Variants in RAP1A observed in about 807,000 individuals in gnomAD.
RAP1A encodes RAP1A, member of RAS oncogene family.
In RAP1A, 6 loss-of-function variants were observed where a neutral mutation model predicts 26.4. That is an observed-to-expected ratio of 0.23 (90% confidence interval 0.12 to 0.45). The LOEUF (loss-of-function observed/expected upper bound fraction) is 0.45, where lower values mean the gene tolerates loss of function less well. RAP1A is among the 20% of genes least tolerant of loss of function. The pLI is 0.99. For missense variants in RAP1A, 121 were observed against 217.2 expected (o/e 0.56, Z 2.78); for synonymous variants, 73 against 79.4 (o/e 0.92, Z 0.43).
chr1:111,679,035 A>T (rs1412391559), intron 1 of RAP1A, among the ~76,000 whole-genome samples: 1 of 152,184 alleles, frequency 6.6e-6, no homozygotes, highest in Non-Finnish European at 1.5e-5. Context: ...AAAATCCAAC[A>T]TCTTTTCCTC....
chr1:111,615,558 C>T (rs12076664), upstream of RAP1A, among the ~76,000 whole-genome samples: 22,833 of 151,960 alleles, frequency 0.15, 1,833 homozygotes, highest in African/African-American at 0.2. Flanking sequence ...TCAGGCCAGG[C>T]GTGGTGGCTC....
chr1:111,583,420 A>G (rs1358234757), intron 1 of RAP1A, among the ~76,000 whole-genome samples: 1 of 151,522 alleles, frequency 6.6e-6, no homozygotes, highest in Admixed American at 6.6e-5. Flanking sequence ...GCAGTGAGCT[A>G]TGATTGCGCC....
intron 1 of RAP1A, among the ~76,000 whole-genome samples, chr1:111,679,527 G>C (rs1344638193): frequency 7.3e-6 from 1 of 136,380 alleles, no homozygotes; most frequent in Admixed American, 7.4e-5. Context: ...CTTTTTTTTT[G>C]TACCCAGTGG....
At chr1:111,682,179 G>A (rs996277108) in intron 1 of RAP1A, among the ~76,000 whole-genome samples, 8 of 152,138 alleles carry the variant, frequency 5.3e-5, no homozygotes, top group African/African-American at 1.9e-4. Flanking sequence ...TGCCTTACAA[G>A]AGGCCCTGAA....
chr1:111,689,030 T>G (rs994988946), intron 1 of RAP1A, among the ~76,000 whole-genome samples: 1 of 151,966 alleles, frequency 6.6e-6, no homozygotes, highest in Non-Finnish European at 1.5e-5. Flanking sequence ...GAGATGAAGT[T>G]TCACCATATT....
chr1:111,646,983 G>T (rs189613386), intron 1 of RAP1A, among the ~76,000 whole-genome samples: 1 of 152,070 alleles, frequency 6.6e-6, no homozygotes, highest in Non-Finnish European at 1.5e-5. Flanking sequence ...GTTAAATTTG[G>T]GTAACTGGTC....
At chr1:111,659,448 A>G (rs1287039877) in intron 1 of RAP1A, among the ~76,000 whole-genome samples, 1 of 151,974 alleles carries the variant, frequency 6.6e-6, no homozygotes, top group Admixed American at 6.6e-5. Flanking sequence ...TTTATATTTA[A>G]AGTGGGTTTC....
intron 1 of RAP1A, among the ~76,000 whole-genome samples, chr1:111,643,191 A>C (rs1406952456): frequency 6.6e-6 from 1 of 152,224 alleles, no homozygotes; most frequent in Non-Finnish European, 1.5e-5. Flanking sequence ...TAAGCAAATG[A>C]GAGTGATTGT....
chr1:111,639,578 T>TCC (rs61539066), intron 1 of RAP1A, among the ~76,000 whole-genome samples: 4 of 151,918 alleles, frequency 2.6e-5, no homozygotes, highest in Admixed American at 6.6e-5. Flanking sequence ...TTTTTTTTTT[T>TCC]CCTTAGGACA....
chr1:111,547,388 T>C (rs919279231), intron 1 of RAP1A, among the ~76,000 whole-genome samples: 1 of 152,108 alleles, frequency 6.6e-6, no homozygotes, highest in Non-Finnish European at 1.5e-5. Flanking sequence ...TTATATTGAT[T>C]AATTTTTATA....
chr1:111,713,981 A>G lies in RAP1A; in HGVS notation c.*1580A>G, dbSNP rs1662460601. The G allele has an allele frequency of 6.6e-6, 1 of 152,226 alleles. No homozygotes were observed. Among genetic ancestry groups the G allele is most frequent in the African/African-American group, 2.4e-5 (1 of 41,462 alleles). The allele number at this position is 152,226 out of a possible 1,614,324, so 9.4% of individuals were successfully genotyped here. On this transcript the variant is annotated 3_prime_UTR_variant, in exon 8 of 8. Transcript: ENST00000369709. ...GATCTCTAGATACTGTCTCTTTGCAACTAGGTATGAAGAAGTGTTCATGCC... is the reference window on the plus strand; with the variant it reads ...GATCTCTAGATACTGTCTCTTTGCAGCTAGGTATGAAGAAGTGTTCATGCC...
chr1:111,570,839 TTCA>T (rs1658035076), intron 1 of RAP1A, among the ~76,000 whole-genome samples: 1 of 152,180 alleles, frequency 6.6e-6, no homozygotes, highest in Non-Finnish European at 1.5e-5. Flanking sequence ...CACCAAGCCA[TTCA>T]TGAGGGAGCC....
rs1016114352 is a variant in RAP1A, at chr1:111,550,147, T to A, written c.-28+7638T>A. On this transcript the variant is annotated intron_variant, in intron 1 of 7. Coordinates refer to the RAP1A transcript ENST00000356415. ...TCATAGTATTGCCTTATAATTCTTT[T>A]TATTTCTTTAAGATTGATAGTAAGG... Among the ~76,000 whole-genome samples, 13 of 152,328 alleles carry A rather than the reference T, an allele frequency of 8.5e-5. No homozygotes were observed. In the East Asian group the frequency reaches 2.5e-3, roughly 29 times the overall value.
At chr1:111,628,496 C>G (rs2477435) in intron 1 of RAP1A, among the ~76,000 whole-genome samples, 148,702 of 152,320 alleles carry the variant, frequency 0.98, 72,610 homozygotes, top group East Asian at 1. Flanking sequence ...TTGAATGCTA[C>G]GTTGATAAGT....
chr1:111,625,235 A>C lies in RAP1A; in HGVS notation c.-28+5301A>C, dbSNP rs142231362. Among the ~76,000 whole-genome samples the C allele has an allele frequency of 9.9e-5, 15 of 152,278 alleles. 1 individual carries two copies. Among genetic ancestry groups the C allele is most frequent in the African/African-American group, 3.6e-4 (15 of 41,566 alleles). ...ACTCCTTCACGGTTTTTTGCAGTGC[A>C]GTGCTGTACCCACTTATTCTGGAGG... On this transcript the variant is annotated intron_variant, in intron 1 of 7. Coordinates refer to ENST00000369709, the MANE Select transcript of RAP1A (RefSeq NM_002884.4).
intron 1 of RAP1A, among the ~76,000 whole-genome samples, chr1:111,640,279 A>C (rs1003266930): frequency 4.6e-5 from 7 of 152,184 alleles, no homozygotes; most frequent in African/African-American, 1.7e-4. Flanking sequence ...TTAACTAAAT[A>C]TTATGTGAGA....
At chr1:111,606,610 C>A (rs1658784931) in intron 1 of RAP1A, among the ~76,000 whole-genome samples, 1 of 152,196 alleles carries the variant, frequency 6.6e-6, no homozygotes, top group South Asian at 2.1e-4. Flanking sequence ...TACAGGGAGT[C>A]TGCAGGGCCC....
At chr1:111,637,617 G>A (rs547114442) in intron 1 of RAP1A, among the ~76,000 whole-genome samples, 4 of 152,296 alleles carry the variant, frequency 2.6e-5, no homozygotes, top group Admixed American at 2.0e-4. Context: ...ATCTTTCTCA[G>A]TGATGTTCAA....
intron 1 of RAP1A, among the ~76,000 whole-genome samples, chr1:111,566,266 A>C (rs1431639835): frequency 6.6e-6 from 1 of 152,138 alleles, no homozygotes; most frequent in Non-Finnish European, 1.5e-5. Flanking sequence ...TGGTTGCAAA[A>C]ATGAGGCAAG....
Sources: allele counts gnomAD v4.1 joint callset (sites outside exome capture counted in the v4.1 genomes callset), GRCh38; gene constraint gnomAD v4.1.1; transcripts MANE v1.5; gene names NCBI Gene and HGNC (gene_info 2026-07-23, HGNC 2026-07-21).